The following MTR variants were observed in gnomAD, a reference collection of about 807,000 sequenced individuals.
The protein encoded by MTR is 5-methyltetrahydrofolate-homocysteine methyltransferase.
MTR carries 84 observed loss-of-function variants against 154.8 expected under a neutral mutation model. The observed-to-expected ratio is 0.54, with a 90% CI of 0.45 to 0.65. MTR has a LOEUF of 0.65. MTR is among the 30% of genes least tolerant of loss of function. MTR has a pLI of 0.00. For missense variants in MTR, 1,275 were observed against 1,570.2 expected, an observed-to-expected ratio of 0.81 and a Z score of 3.18; for synonymous variants, 554 against 553.9, an observed-to-expected ratio of 1.00 and a Z score of 0.00.
chr1:236,809,174 C>T (rs1240830434), intron 4 of MTR, among the ~76,000 whole-genome samples: 1 of 152,124 alleles, frequency 6.6e-6, no homozygotes, highest in Non-Finnish European at 1.5e-5. Context: ...TTTTTTAAAG[C>T]CACCCTCATT....
chr1:236,856,431 T>C (rs1294474963), intron 18 of MTR, among the ~76,000 whole-genome samples: 1 of 152,062 alleles, frequency 6.6e-6, no homozygotes, highest in African/African-American at 2.4e-5. Flanking sequence ...CTTGGAGTTC[T>C]CCCCAATTCC....
rs1331695580 is a variant in MTR, at chr1:236,803,454, G to A, written c.61G>A (p.Glu21Lys). 1.2e-6 allele frequency: 2 copies of A among 1,614,168 alleles called. No homozygotes were observed. The highest frequency in any genetic ancestry group is 3.3e-5 in the Admixed American group (2 of 60,012). ...PEGLKKTLRDEINAILQKRIM... is the reference protein window; with the variant it reads ...PEGLKKTLRDKINAILQKRIM... ...AGGTCTGAAGAAAACCCTGCGGGAT[G>A]AGATCAATGCCATTCTGCAGAAGAG... The change falls in exon 2 of 33, where the codon GAG (glutamate) becomes AAG (lysine). Residue 21 changes from glutamate (E) to lysine (K), a missense_variant. Transcript: ENST00000366577.
chr1:236,889,587 G>C (rs1287341552), intron 28 of MTR, among the ~76,000 whole-genome samples: 1 of 152,156 alleles, frequency 6.6e-6, no homozygotes, highest in Non-Finnish European at 1.5e-5. Context: ...CTGAGCACTA[G>C]GGATAAATGG....
chr1:236,896,946 C>T, intron 31 of MTR, 60 bp from the exon 32 acceptor site: 1 of 1,230,222 alleles, frequency 8.1e-7, no homozygotes. Context: ...TGCCTGCTAG[C>T]TGCAGGCCCT....
chr1:236,816,994 T>G (rs1374394043), intron 8 of MTR, among the ~76,000 whole-genome samples: 1 of 152,176 alleles, frequency 6.6e-6, no homozygotes, highest in East Asian at 1.9e-4. Context: ...GAGGATCTCT[T>G]AAGGCCAGGT....
chr1:236,799,571 A>G (rs1348245225), intron 1 of MTR, among the ~76,000 whole-genome samples: 2 of 152,016 alleles, frequency 1.3e-5, no homozygotes, highest in African/African-American at 2.4e-5. Flanking sequence ...ACATATATCC[A>G]TATATTTATA....
chr1:236,809,011 G>C (rs993674741), intron 4 of MTR, among the ~76,000 whole-genome samples: 2 of 152,132 alleles, frequency 1.3e-5, no homozygotes, highest in Non-Finnish European at 2.9e-5. Context: ...CTTTCACCCT[G>C]GGTTAGCCTG....
chr1:236,852,313 A>G (rs1334704487), intron 16 of MTR, among the ~76,000 whole-genome samples: 2 of 151,952 alleles, frequency 1.3e-5, no homozygotes, highest in Non-Finnish European at 2.9e-5. Flanking sequence ...GGAGTCTAGT[A>G]GGAAAAACTA....
intron 5 of MTR, chr1:236,811,644 G>A: frequency 2.2e-6 from 1 of 456,242 alleles, no homozygotes; most frequent in South Asian, 1.5e-5. Flanking sequence ...CTTTGGTCTA[G>A]ACCTGCCAGT....
At chr1:236,847,223 G>A (rs1245706599) in intron 15 of MTR, among the ~76,000 whole-genome samples, 1 of 152,048 alleles carries the variant, frequency 6.6e-6, no homozygotes, top group Admixed American at 6.6e-5. Flanking sequence ...CCCAGGATGG[G>A]CCTCTGCTTC....
chr1:236,826,740 G>A (rs1457342314), intron 10 of MTR, 89 bp from the exon 11 acceptor site: 1 of 990,870 alleles, frequency 1.0e-6, no homozygotes, highest in Non-Finnish European at 1.6e-6. Flanking sequence ...AGTTATTCAG[G>A]AAGTATAGAC....
At position 236,897,064 on chromosome 1, in the gene MTR, C is replaced by T; in HGVS notation, c.3657C>T (p.Tyr1219=). The change falls in exon 32 of 33, where the codon TAC becomes TAT. Residue 1219 remains tyrosine (Y), a synonymous_variant. Coordinates refer to ENST00000366577, the MANE Select transcript of MTR (RefSeq NM_000254.3). The part of the protein sequence containing the change: ...MAPASAVSGL[Y]FSNLKSKYFA... ...CTGCTTCAGCAGTCTCAGGCCTCTA[C>T]TTCTCCAATTTGAAGTCCAAATATT... 1 of 1,614,154 alleles carries T rather than the reference C, an allele frequency of 6.2e-7. No homozygotes were observed. Among genetic ancestry groups the T allele is most frequent in the East Asian group, 2.2e-5 (1 of 44,880 alleles).
intron 1 of MTR, chr1:236,800,331 A>G (rs1158660002): frequency 1.0e-6 from 1 of 985,410 alleles, no homozygotes; most frequent in Middle Eastern, 5.2e-4. Context: ...ATGAAATTTC[A>G]TGTGCATGAC....
rs1010140019 is a variant in MTR at position 236,795,646 on chromosome 1, C to T, written c.-58C>T. On this transcript the variant is annotated 5_prime_UTR_variant, in exon 1 of 33. Coordinates refer to ENST00000366577, the MANE Select transcript of MTR (RefSeq NM_000254.3). ...CTGGCGTGGCCCTTGGCCGTCGTCA[C>T]CTGTGGAGAGCACGTCTTCTCTGCC... The T allele has an allele frequency of 1.9e-6, 3 of 1,611,788 alleles. No homozygotes were observed. In the East Asian group the frequency reaches 6.7e-5, roughly 36 times the overall value.
chr1:236,832,933 C>T (rs1313251075), intron 13 of MTR, among the ~76,000 whole-genome samples: 1 of 152,240 alleles, frequency 6.6e-6, no homozygotes, highest in African/African-American at 2.4e-5. Flanking sequence ...ACCACTTCCT[C>T]TGTTGGTCCT....
chr1:236,869,572 C>G (rs1350358781), intron 22 of MTR, among the ~76,000 whole-genome samples: 1 of 152,182 alleles, frequency 6.6e-6, no homozygotes, highest in African/African-American at 2.4e-5. Context: ...TCTCTTTAGC[C>G]TCCCATGTGG....
chr1:236,795,295 A>C lies in MTR; in HGVS notation c.-409A>C, dbSNP rs1271363403. On this transcript the variant is annotated 5_prime_UTR_variant, in exon 1 of 33. Transcript: ENST00000366577. ...ACGCCGAGGATAGATTGAGCGCAGA[A>C]CTAACCGCGCTCTGAAAGGTTCTAA... 1.6e-6 allele frequency: 2 copies of C among 1,215,894 alleles called. No homozygotes were observed. Among genetic ancestry groups the C allele is most frequent in the Non-Finnish European group, 2.1e-6 (2 of 952,770 alleles). 75.3% of individuals were successfully genotyped at this position (1,215,894 alleles called of 1,614,324 possible).
intron 1 of MTR, among the ~76,000 whole-genome samples, chr1:236,800,831 T>G (rs1179343826): frequency 1.3e-5 from 2 of 152,236 alleles, no homozygotes; most frequent in Non-Finnish European, 1.5e-5. Flanking sequence ...TCTTAACACA[T>G]GGTCTCATTT....
At chr1:236,835,828 T>A (rs994405367) in intron 14 of MTR, 141 bp downstream of exon 14, 43 of 1,174,690 alleles carry the variant, frequency 3.7e-5, no homozygotes, top group Non-Finnish European at 5.3e-5. Flanking sequence ...TAGTTTCTGA[T>A]TGTCAGCTTT....
Sources: allele counts gnomAD v4.1 joint callset (sites outside exome capture counted in the v4.1 genomes callset), GRCh38; gene constraint gnomAD v4.1.1; transcripts MANE v1.5; gene names NCBI Gene and HGNC (gene_info 2026-07-23, HGNC 2026-07-21).